Variants in LCOR observed in about 807,000 individuals in gnomAD.
LCOR encodes the protein ligand-dependent corepressor.
A neutral mutation model predicts 64.4 loss-of-function variants in LCOR; 14 were observed. The observed-to-expected ratio is 0.22, with a 90% CI of 0.14 to 0.34. The LOEUF (loss-of-function observed/expected upper bound fraction) is 0.34, where lower values mean the gene tolerates loss of function less well. Among genes scored for constraint, LCOR ranks in the 10% least tolerant of loss-of-function variants. The probability of loss-of-function intolerance (pLI) is 1.00; values close to 1 mark genes in which losing one functional copy is unlikely to be tolerated. For missense variants in LCOR, 1,686 were observed against 1,765.3 expected (o/e 0.96, Z 0.80); for synonymous variants, 643 against 642.5 (o/e 1.00, Z -0.01).
At chr10:96,841,362 C>CTT (rs199853768) in intron 2 of LCOR, among the ~76,000 whole-genome samples, 12,952 of 134,724 alleles carry the variant, frequency 0.096, 2,121 homozygotes, top group African/African-American at 0.33. Flanking sequence ...AAAACTTACA[C>CTT]TTTTTTTTTT....
intron 4 of LCOR, among the ~76,000 whole-genome samples, chr10:96,936,352 A>C (rs1847350625): frequency 6.6e-6 from 1 of 152,274 alleles, no homozygotes; most frequent in Non-Finnish European, 1.5e-5. Flanking sequence ...GAGCAAACTA[A>C]ACCCAAAGCA....
chr10:96,851,611 A>G (rs1443645578), intron 2 of LCOR, among the ~76,000 whole-genome samples: 6 of 152,196 alleles, frequency 3.9e-5, no homozygotes, highest in Non-Finnish European at 1.5e-5. Context: ...TAAGACAGAA[A>G]ATGTTGTGAA....
chr10:96,833,733 GTC>G (rs1388667976), intron 2 of LCOR, among the ~76,000 whole-genome samples: 4 of 152,248 alleles, frequency 2.6e-5, no homozygotes, highest in Non-Finnish European at 5.9e-5. Flanking sequence ...ATCTAGGAGA[GTC>G]TATCCGTTCG....
intron 7 of LCOR, among the ~76,000 whole-genome samples, chr10:96,954,162 T>TA (rs1847726541): frequency 6.6e-6 from 1 of 152,194 alleles, no homozygotes. Flanking sequence ...ACTTAAGGGG[T>TA]AAATAAAGAG....
At chr10:96,899,590 T>G (rs1441806072) in intron 2 of LCOR, among the ~76,000 whole-genome samples, 1 of 152,122 alleles carries the variant, frequency 6.6e-6, no homozygotes, top group East Asian at 1.9e-4. Flanking sequence ...ATAAATATCT[T>G]AATTTAACTT....
chr10:96,869,274 C>T (rs1846030763), intron 2 of LCOR, among the ~76,000 whole-genome samples: 1 of 151,246 alleles, frequency 6.6e-6, no homozygotes, highest in East Asian at 2.0e-4. Context: ...GTGCAGTGGC[C>T]TGATCTCGGC....
intron 2 of LCOR, among the ~76,000 whole-genome samples, chr10:96,834,045 A>T (rs920838663): frequency 6.6e-6 from 1 of 152,226 alleles, no homozygotes; most frequent in South Asian, 2.1e-4. Context: ...GATGTTTTCG[A>T]TAATAGATTA....
intron 2 of LCOR, among the ~76,000 whole-genome samples, chr10:96,849,811 TCCCCATGATG>T (rs902352580): frequency 2.0e-5 from 3 of 150,110 alleles, no homozygotes; most frequent in African/African-American, 7.4e-5. Flanking sequence ...AGTGGCAGGA[TCCCCATGATG>T]CCCCATGATG....
rs929283598 is a variant in LCOR at position 96,991,936 on chromosome 10, C to G, written c.*6802C>G. ...TTGGAAGCATTTTTCTCTCAAAACT[C>G]TTTTCCTCTAGTATTTAGTTGTTGG... On this transcript the variant is annotated 3_prime_UTR_variant, in exon 8 of 8. Transcript: ENST00000421806. 3 of 152,154 alleles carry G rather than the reference C, an allele frequency of 2.0e-5. No homozygotes were observed. The highest frequency in any genetic ancestry group is 7.2e-5 in the African/African-American group (3 of 41,382). The allele number at this position is 152,154 out of a possible 1,614,324, so 9.4% of individuals were successfully genotyped here. A position where few individuals can be genotyped will look rare whatever the true frequency, so the allele number is the denominator to read the frequency against.
intron 2 of LCOR, among the ~76,000 whole-genome samples, chr10:96,881,695 G>A (rs1031751768): frequency 2.6e-5 from 4 of 152,110 alleles, no homozygotes; most frequent in African/African-American, 9.7e-5. Flanking sequence ...GTCCTCAGGT[G>A]ATCCACCCAT....
chr10:96,841,749 AAAATAAAT>A (rs374209575), intron 2 of LCOR, among the ~76,000 whole-genome samples: 4 of 151,594 alleles, frequency 2.6e-5, no homozygotes, highest in African/African-American at 9.7e-5. Context: ...GTTGTTTTAA[AAAATAAAT>A]AAATAAATAA....
intron 2 of LCOR, among the ~76,000 whole-genome samples, chr10:96,859,314 A>G (rs557527995): frequency 3.9e-5 from 6 of 152,248 alleles, no homozygotes; most frequent in East Asian, 1.9e-4. Context: ...GGTTCAAGCA[A>G]TTCTCCTGCC....
intron 5 of LCOR, among the ~76,000 whole-genome samples, chr10:96,945,246 G>A (rs951158822): frequency 2.0e-5 from 3 of 151,960 alleles, no homozygotes; most frequent in Non-Finnish European, 4.4e-5. Context: ...TTTGACATTG[G>A]TTAAAAGTCT....
rs1846775993 is a variant in LCOR at position 96,908,805 on chromosome 10, CTCCGGGTT to C, written c.-184+1060_-184+1067del. 2.0e-5 allele frequency among the ~76,000 whole-genome samples: 3 copies of C among 152,046 alleles called. No homozygotes were observed. The South Asian group carries it at 6.2e-4, about 32-fold the overall frequency. ...ATCTCTGCTCACTGCAGGCTCCCCC[CTCCGGGTT>C]TACGCCATTCTCCTGCCTCAGCCTC... On this transcript the variant is annotated intron_variant, in intron 4 of 7. Transcript: ENST00000421806.
At chr10:96,908,405 G>C (rs536116950) in intron 4 of LCOR, among the ~76,000 whole-genome samples, 2 of 152,268 alleles carry the variant, frequency 1.3e-5, no homozygotes, top group South Asian at 4.1e-4. Flanking sequence ...GTTATTTTTA[G>C]TACAAAAAGA....
At chr10:96,955,516 A>G (rs899450386) in intron 7 of LCOR, 6 of 1,614,176 alleles carry the variant, frequency 3.7e-6, no homozygotes, top group Non-Finnish European at 5.1e-6. Flanking sequence ...CTTCCAAAAC[A>G]AAGTAGAAAA....
chr10:96,971,308 C>G (rs1049650566), intron 7 of LCOR, among the ~76,000 whole-genome samples: 4 of 152,178 alleles, frequency 2.6e-5, no homozygotes, highest in African/African-American at 9.7e-5. Context: ...CTACCCCTTT[C>G]AATTCCCTTG....
At position 96,991,052 on chromosome 10, in the gene LCOR, A is replaced by C. The variant is rs962595374; in HGVS notation, c.*5918A>C. 6.7e-6 allele frequency: 1 copy of C among 149,588 alleles called. No individual in the cohort carries two copies. Among genetic ancestry groups the C allele is most frequent in the African/African-American group, 2.5e-5 (1 of 40,504 alleles). The allele number at this position is 149,588 out of a possible 1,614,324, so 9.3% of individuals were successfully genotyped here. On this transcript the variant is annotated 3_prime_UTR_variant, in exon 8 of 8. Transcript: ENST00000421806. ...AAAAAAAAAAAAAAAAAAAGCAACT[A>C]TATGTGGCCCGCATAGCCTGAAATA...
intron 2 of LCOR, among the ~76,000 whole-genome samples, chr10:96,844,423 G>A (rs375791185): frequency 2.6e-5 from 4 of 151,844 alleles, no homozygotes; most frequent in East Asian, 1.9e-4. Context: ...TAAGTTGCCC[G>A]TCTTTGTTTC....
Sources: allele counts gnomAD v4.1 joint callset (sites outside exome capture counted in the v4.1 genomes callset), GRCh38; gene constraint gnomAD v4.1.1; transcripts MANE v1.5; gene names NCBI Gene and HGNC (gene_info 2026-07-23, HGNC 2026-07-21).